ETNK1: variants seen among roughly 807,000 people sequenced by gnomAD.
The protein encoded by ETNK1 is ethanolamine kinase 1.
ETNK1 carries 8 observed loss-of-function variants against 45.1 expected under a neutral mutation model. The ratio of observed to expected loss-of-function variants is 0.18; its 90% CI spans 0.10 to 0.32. The LOEUF (loss-of-function observed/expected upper bound fraction) is 0.32. Among genes scored for constraint, ETNK1 ranks in the 10% least tolerant of loss-of-function variants. The pLI is 1.00. For missense variants in ETNK1, 302 were observed against 430.6 expected (o/e 0.70, Z 2.64); for synonymous variants, 152 against 151.9 (o/e 1.00, Z -0.01).
intron 2 of ETNK1, among the ~76,000 whole-genome samples, chr12:22,655,915 G>A (rs947526896): frequency 2.6e-5 from 4 of 152,162 alleles, no homozygotes; most frequent in Admixed American, 6.5e-5. Flanking sequence ...TTTGTGCAGC[G>A]TTATAGGGGT....
At chr12:22,631,785 G>A (rs2137516094) in intron 1 of ETNK1, among the ~76,000 whole-genome samples, 1 of 152,136 alleles carries the variant, frequency 6.6e-6, no homozygotes, top group African/African-American at 2.4e-5. Flanking sequence ...ACAAAGATAG[G>A]GAAGTAGTAG....
At chr12:22,626,925 A>G (rs1953509239) in intron 1 of ETNK1, among the ~76,000 whole-genome samples, 1 of 152,120 alleles carries the variant, frequency 6.6e-6, no homozygotes, top group South Asian at 2.1e-4. Flanking sequence ...TTTGTATTTT[A>G]TTATATAAGA....
In ETNK1 at chr12:22,630,720, C is replaced by T. The variant is rs186124049; in HGVS notation, c.156+5134C>T. On this transcript the variant is annotated intron_variant, in intron 1 of 7. Transcript: ENST00000266517. Reference sequence around the variant, plus strand: ...CCGTTTCCCAGGTTCAAGTGATTCTCGTGCCTCAGCCACCCAAGTAGCTTG... The same window carrying T: ...CCGTTTCCCAGGTTCAAGTGATTCTTGTGCCTCAGCCACCCAAGTAGCTTG... Among the ~76,000 whole-genome samples the T allele has an allele frequency of 3.3e-5, 5 of 152,110 alleles. No homozygotes were observed. In the East Asian group the frequency reaches 5.8e-4, roughly 18 times the overall value.
rs1390250948 is a variant in ETNK1 at position 22,644,127 on chromosome 12, C to T, written c.416+105C>T. 21 of 1,487,454 alleles carry T rather than the reference C, an allele frequency of 1.4e-5. No homozygotes were observed. The East Asian group carries it at 4.9e-4, about 35-fold the overall frequency. 92.1% of individuals were successfully genotyped at this position (1,487,454 alleles called of 1,614,324 possible). ...TTTGTTTGAGCAACTATTTGGTTAA[C>T]TTAGAAACTTTCTTTAGCTAGGGTT... is the stretch of plus-strand genomic sequence containing the variant. On this transcript the variant is annotated intron_variant, in intron 2 of 7. Transcript: ENST00000266517.
At chr12:22,679,587 T>G (rs186122829) in intron 6 of ETNK1, among the ~76,000 whole-genome samples, 4 of 152,268 alleles carry the variant, frequency 2.6e-5, no homozygotes, top group Admixed American at 2.6e-4. Context: ...ACACCTAACA[T>G]TAACCATCAT....
chr12:22,642,575 A>G (rs1166619141), intron 1 of ETNK1, among the ~76,000 whole-genome samples: 1 of 152,034 alleles, frequency 6.6e-6, no homozygotes, highest in Non-Finnish European at 1.5e-5. Context: ...GGTTAGTTGT[A>G]TATTATTAAT....
At chr12:22,636,679 A>C (rs556140544) in intron 1 of ETNK1, among the ~76,000 whole-genome samples, 2 of 152,288 alleles carry the variant, frequency 1.3e-5, no homozygotes, top group South Asian at 4.2e-4. Flanking sequence ...TATTAAGAGA[A>C]AAAAAAGATG....
chr12:22,625,187 C>T lies in ETNK1; in HGVS notation c.-244C>T, dbSNP rs1953467323. ...GCATGCTCTGCGGCCGCCCGCGGTC[C>T]AGCTCCGACAACAGGAATTTTCTCC... On this transcript the variant is annotated 5_prime_UTR_variant, in exon 1 of 8. Transcript: ENST00000266517. The T allele has an allele frequency of 3.1e-6, 5 of 1,607,010 alleles. No individual in the cohort carries two copies. Among genetic ancestry groups the T allele is most frequent in the East Asian group, 2.2e-5 (1 of 44,734 alleles).
Position 22,644,183 on chromosome 12 carries a change from A to G in ETNK1, c.416+161A>G. On this transcript the variant is annotated intron_variant, in intron 2 of 7. Transcript: ENST00000266517. Reference sequence around the variant, plus strand: ...TTTTGTTCTTGTTTTCCCTAAAAAGATAGAAGTAAATTTCTTTATATTTGC... The same window carrying G: ...TTTTGTTCTTGTTTTCCCTAAAAAGGTAGAAGTAAATTTCTTTATATTTGC... The G allele has an allele frequency of 1.9e-6, 3 of 1,559,798 alleles. No homozygotes were observed. In the South Asian group the frequency reaches 3.6e-5, roughly 19 times the overall value.
At chr12:22,649,234 T>C (rs1484762759) in intron 2 of ETNK1, among the ~76,000 whole-genome samples, 1 of 152,144 alleles carries the variant, frequency 6.6e-6, no homozygotes, top group Admixed American at 6.6e-5. Context: ...GTCCAGCTTA[T>C]CTGTTCTTCC....
rs761852304 is a variant in ETNK1 at position 22,625,297 on chromosome 12, C to T, written c.-134C>T. ...TCCAGACGTTCTCCTGCCGCTCGCCCGCCCGTCCCAGCGCCCCCAGCCCTC... is the reference window on the plus strand; with the variant it reads ...TCCAGACGTTCTCCTGCCGCTCGCCTGCCCGTCCCAGCGCCCCCAGCCCTC... On this transcript the variant is annotated 5_prime_UTR_variant, in exon 1 of 8. Coordinates refer to ENST00000266517, the MANE Select transcript of ETNK1 (RefSeq NM_018638.5). 1 of 1,607,268 alleles carries T rather than the reference C, an allele frequency of 6.2e-7. No homozygotes were observed. Among genetic ancestry groups the T allele is most frequent in the East Asian group, 2.2e-5 (1 of 44,648 alleles).
intron 6 of ETNK1, 96 bp from the exon 7 acceptor site, chr12:22,684,387 C>T (rs1297222345): frequency 1.3e-6 from 1 of 792,212 alleles, no homozygotes; most frequent in African/African-American, 1.7e-5. Flanking sequence ...AAGTGTGGTG[C>T]ATGGAGTTGA....
chr12:22,673,563 C>T lies in ETNK1; in HGVS notation c.848C>T (p.Ala283Val). Reference sequence around the variant, plus strand: ...GAACTACAGAGTCAGTGGCTGCGTGCTTACCTTGAAGCCTACAAAGAATTT... The same window carrying T: ...GAACTACAGAGTCAGTGGCTGCGTGTTTACCTTGAAGCCTACAAAGAATTT... ...DRELQSQWLR[A>V]YLEAYKEFKG... The change falls in exon 6 of 8, where the codon GCT (alanine) becomes GTT (valine). Residue 283 changes from alanine (A) to valine (V), a missense_variant. Ala to Val is a moderately conservative substitution (Grantham distance 64). Around this residue, in one of 3 missense-constraint regions of ETNK1, gnomAD observed 94 missense variants for 152.9 expected, o/e 0.61. Transcript: ENST00000266517. The T allele has an allele frequency of 6.2e-7, 1 of 1,613,694 alleles. No homozygotes were observed. Among genetic ancestry groups the T allele is most frequent in the Non-Finnish European group, 8.5e-7 (1 of 1,179,736 alleles).
chr12:22,681,134 T>C (rs2137577632), intron 6 of ETNK1, among the ~76,000 whole-genome samples: 1 of 152,250 alleles, frequency 6.6e-6, no homozygotes, highest in South Asian at 2.1e-4. Flanking sequence ...TGGGCTGTTT[T>C]CTGCCTTTGT....
intron 2 of ETNK1, among the ~76,000 whole-genome samples, chr12:22,655,570 C>T (rs1201153825): frequency 6.6e-6 from 1 of 152,198 alleles, no homozygotes; most frequent in Non-Finnish European, 1.5e-5. Flanking sequence ...CTCCTGACCT[C>T]AGGTGATCTA....
At chr12:22,654,645 T>A (rs913138997) in intron 2 of ETNK1, among the ~76,000 whole-genome samples, 2 of 152,194 alleles carry the variant, frequency 1.3e-5, no homozygotes. Flanking sequence ...GATCAAAGAA[T>A]AAGACAGTCT....
At chr12:22,626,209 G>A (rs1953493135) in intron 1 of ETNK1, 1 of 175,478 alleles carries the variant, frequency 5.7e-6, no homozygotes, top group Admixed American at 6.1e-5. Context: ...GATACTAGAA[G>A]GAGCAGTGGC....
intron 1 of ETNK1, among the ~76,000 whole-genome samples, chr12:22,634,994 C>G (rs1484762716): frequency 6.6e-6 from 1 of 151,958 alleles, no homozygotes; most frequent in African/African-American, 2.4e-5. Context: ...AATTTTTTGC[C>G]TTTTAAATTT....
At chr12:22,637,246 C>A (rs73080472) in intron 1 of ETNK1, among the ~76,000 whole-genome samples, 9,594 of 152,276 alleles carry the variant, frequency 0.063, 437 homozygotes, top group South Asian at 0.14. Context: ...TGTTTCCCAT[C>A]TCTCAGGGAT....
Sources: gnomAD v4.1 joint callset for allele counts (sites outside exome capture counted in the v4.1 genomes callset) on GRCh38, gnomAD v4.1.1 for gene constraint, gnomAD v4.1.1 regional missense constraint, MANE v1.5 for transcripts, NCBI Gene and HGNC (gene_info 2026-07-23, HGNC 2026-07-21) for gene names.